HEPH: variants seen among roughly 807,000 people sequenced by gnomAD.
HEPH encodes hephaestin.
HEPH carries 69 observed loss-of-function variants against 80.8 expected under a neutral mutation model. The observed-to-expected ratio is 0.85, with a 90% confidence interval of 0.70 to 1.04. The LOEUF (loss-of-function observed/expected upper bound fraction) is 1.04. Among genes scored for constraint, HEPH ranks in the 50% least tolerant of loss-of-function variants. HEPH has a pLI of 0.00. For missense variants in HEPH, 1,115 were observed against 891.3 expected (o/e 1.25, Z -3.20); for synonymous variants, 431 against 322.8 (o/e 1.34, Z -3.60).
At chrX:66,208,843 A>G (rs762945359) in intron 15 of HEPH, among the ~76,000 whole-genome samples, 6 of 106,673 alleles carry the variant, frequency 5.6e-5, no homozygotes, top group Non-Finnish European at 7.7e-5. Context: ...TGAGCTCCTA[A>G]TCTTGACTAG....
rs1008649205 is a variant in HEPH at position 66,225,752 on chromosome X, G to T, written c.2563+17506G>T. On this transcript the variant is annotated intron_variant, in intron 15 of 20. Transcript: ENST00000343002. ...CAAGCTGGCCAGAGTCCCCCGCAGGGATGCTCCACAGGGCAGGCCTAAGCC... is the reference window on the plus strand; with the variant it reads ...CAAGCTGGCCAGAGTCCCCCGCAGGTATGCTCCACAGGGCAGGCCTAAGCC... Among the ~76,000 whole-genome samples the T allele has an allele frequency of 2.7e-5, 3 of 112,826 alleles. No homozygotes were observed. The Admixed American group carries it at 2.8e-4, about 11-fold the overall frequency.
rs1343527399 is a variant in HEPH at position 66,258,839 on chromosome X, G to A, written c.2897-1G>A. 4.4e-6 allele frequency: 5 copies of A among 1,130,450 alleles called. No homozygotes were observed. Among genetic ancestry groups the A allele is most frequent in the Non-Finnish European group, 5.8e-6 (5 of 858,136 alleles). The allele number at this position is 1,130,450 out of a possible 1,213,427, so 93.2% of individuals were successfully genotyped here. On this transcript the variant is annotated splice_acceptor_variant, in intron 17 of 20. Coordinates refer to ENST00000343002, the MANE Select transcript of HEPH (RefSeq NM_001367233.3). LOFTEE classifies it high-confidence loss of function. ...TCTTTTCTTTTCTTTTTTTTTGACA[G>A]CAATCAATGGGAAACTCTATGCCAA...
upstream of HEPH, among the ~76,000 whole-genome samples, chrX:66,163,092 G>C (rs187514802): frequency 4.7e-4 from 52 of 111,710 alleles, no homozygotes; most frequent in African/African-American, 1.7e-3. Context: ...TGGAATTCTA[G>C]ATGTGTAAAT....
intron 15 of HEPH, among the ~76,000 whole-genome samples, chrX:66,218,529 T>C (rs1281237790): frequency 1.8e-5 from 2 of 111,841 alleles, no homozygotes; most frequent in African/African-American, 6.5e-5. Flanking sequence ...TCGAAACCTC[T>C]GGGATACAAT....
At chrX:66,212,407 C>T (rs749400325) in intron 15 of HEPH, among the ~76,000 whole-genome samples, 15 of 110,771 alleles carry the variant, frequency 1.4e-4, no homozygotes, top group Non-Finnish European at 2.5e-4. Context: ...AAATTCTTTG[C>T]CTCAACCAAT....
intron 15 of HEPH, among the ~76,000 whole-genome samples, chrX:66,210,770 TTGAA>T (rs1295610910): frequency 1.8e-5 from 2 of 110,856 alleles, no homozygotes; most frequent in Non-Finnish European, 3.8e-5. Context: ...GATATTTTGA[TTGAA>T]TGGGTGTTGA....
chrX:66,195,792 A>G (rs1359927973), intron 9 of HEPH, among the ~76,000 whole-genome samples: 1 of 111,921 alleles, frequency 8.9e-6, no homozygotes, highest in East Asian at 2.8e-4. Context: ...GTCAGGTTGC[A>G]ATGAATGAAT....
chrX:66,195,028 C>G, intron 8 of HEPH, 70 bp from the exon 9 acceptor site: 1 of 894,540 alleles, frequency 1.1e-6, no homozygotes, highest in Non-Finnish European at 1.5e-6. Context: ...TTCCCTCCCT[C>G]TTCTTCCATT....
intron 13 of HEPH, among the ~76,000 whole-genome samples, chrX:66,205,145 A>C (rs2088691790): frequency 9.0e-6 from 1 of 111,299 alleles, no homozygotes; most frequent in Non-Finnish European, 1.9e-5. Context: ...CTTTTATTTT[A>C]GGTATGGGGG....
chrX:66,263,531 CT>C (rs1254693486), intron 19 of HEPH, 112 bp from the exon 20 acceptor site: 2 of 773,044 alleles, frequency 2.6e-6, no homozygotes, highest in Non-Finnish European at 3.9e-6. Flanking sequence ...CTTTATTTTG[CT>C]TACTTAATCA....
At chrX:66,219,340 C>T (rs1316747459) in intron 15 of HEPH, among the ~76,000 whole-genome samples, 1 of 112,149 alleles carries the variant, frequency 8.9e-6, no homozygotes, top group African/African-American at 3.2e-5. Flanking sequence ...TGTCATATTT[C>T]TAACTATGTC....
intron 15 of HEPH, among the ~76,000 whole-genome samples, chrX:66,229,224 A>G (rs1344835882): frequency 1.8e-5 from 2 of 112,442 alleles, no homozygotes; most frequent in African/African-American, 3.2e-5. Context: ...ATATAGATAT[A>G]TAGATATAGA....
intron 4 of HEPH, among the ~76,000 whole-genome samples, chrX:66,174,079 C>T (rs1045482965): frequency 7.3e-5 from 8 of 108,982 alleles, no homozygotes; most frequent in African/African-American, 2.0e-4. Flanking sequence ...AGTTGTTTAG[C>T]GGTGATTTGT....
At chrX:66,186,926 ATTC>A (rs2042462736) in intron 4 of HEPH, among the ~76,000 whole-genome samples, 1 of 110,510 alleles carries the variant, frequency 9.0e-6, no homozygotes, top group Admixed American at 9.6e-5. Flanking sequence ...ATTTTTTCTT[ATTC>A]TTTTTTCTTT....
chrX:66,197,845 G>A lies in HEPH; in HGVS notation c.1664G>A (p.Gly555Asp). Residue 555 changes from glycine (G) to aspartate (D), a missense_variant, in exon 10 of 21, where the codon GGC (glycine) becomes GAC (aspartate). This residue lies in a region of HEPH where 716 missense variants were observed against 523.5 expected (regional missense o/e 1.37). Coordinates refer to ENST00000343002, the MANE Select transcript of HEPH (RefSeq NM_001367233.3). The stretch of plus-strand genomic sequence containing the variant: ...AGAGACACAAATTCTGGCCTGGTGG[G>A]CCCGCTGCTGGTGTGCAGGGCTGGT... ...PIRDTNSGLVGPLLVCRAGAL... is the reference protein window; with the variant it reads ...PIRDTNSGLVDPLLVCRAGAL... 1.7e-6 allele frequency: 2 copies of A among 1,207,981 alleles called. No homozygotes were observed. The highest frequency in any genetic ancestry group is 2.2e-6 in the Non-Finnish European group (2 of 893,640).
At chrX:66,258,703 A>G in intron 17 of HEPH, 137 bp from the exon 18 acceptor site, 7 of 432,467 alleles carry the variant, frequency 1.6e-5, no homozygotes, top group Non-Finnish European at 2.6e-5. Context: ...AGATGGAAAA[A>G]AGATGAGACA....
At chrX:66,193,808 TA>T (rs1226149854) in intron 8 of HEPH, among the ~76,000 whole-genome samples, 170 bp downstream of exon 8, 2 of 112,217 alleles carry the variant, frequency 1.8e-5, no homozygotes, top group Non-Finnish European at 3.8e-5. Flanking sequence ...GAATGTGTTT[TA>T]AAACCACTAA....
rs747501103 is a variant in HEPH, at chrX:66,266,521, C to A, written c.3326C>A (p.Ala1109Asp). The A allele has an allele frequency of 9.9e-6, 12 of 1,206,978 alleles. No homozygotes were observed. The highest frequency in any genetic ancestry group is 1.3e-5 in the Non-Finnish European group (12 of 893,840). ...QIPIKNVEML[A>D]SVLVAISVTL... ...CCCATAAAGAATGTTGAGATGCTGGCCTCTGTTTTGGTTGCCATTAGTGTC... is the reference window on the plus strand; with the variant it reads ...CCCATAAAGAATGTTGAGATGCTGGACTCTGTTTTGGTTGCCATTAGTGTC... The change falls in exon 21 of 21, where the codon GCC (alanine) becomes GAC (aspartate). Residue 1109 changes from alanine (A) to aspartate (D), a missense_variant. By Grantham distance (126) the Ala-to-Asp change is moderately radical. Transcript: ENST00000343002.
At chrX:66,205,408 G>T (rs1354233191) in intron 13 of HEPH, among the ~76,000 whole-genome samples, 1 of 111,466 alleles carries the variant, frequency 9.0e-6, no homozygotes, top group African/African-American at 3.3e-5. Flanking sequence ...CATCCATGTT[G>T]CTGAAAAGGA....
Sources: gnomAD v4.1 joint callset for allele counts (sites outside exome capture counted in the v4.1 genomes callset) on GRCh38, gnomAD v4.1.1 for gene constraint, gnomAD v4.1.1 regional missense constraint, MANE v1.5 for transcripts, NCBI Gene and HGNC (gene_info 2026-07-23, HGNC 2026-07-21) for gene names.